Variants in SNTG1 observed in about 807,000 individuals in gnomAD.
SNTG1 encodes the protein gamma-1-syntrophin.
In SNTG1, 39 loss-of-function variants were observed where a neutral mutation model predicts 74.7. The observed-to-expected ratio is 0.52, with a 90% CI of 0.40 to 0.68. The LOEUF (loss-of-function observed/expected upper bound fraction) is 0.68. Among genes scored for constraint, SNTG1 ranks in the 30% least tolerant of loss-of-function variants. The pLI, the probability that SNTG1 is intolerant of heterozygous loss-of-function variation, is 0.00. For synonymous variants in SNTG1, 254 were observed against 217.1 expected, an observed-to-expected ratio of 1.17 and a Z score of -1.49; for missense variants, 685 against 609.5, an observed-to-expected ratio of 1.12 and a Z score of -1.30.
intron 17 of SNTG1, among the ~76,000 whole-genome samples, chr8:50,731,550 CA>C (rs1381795316): frequency 6.6e-6 from 1 of 152,046 alleles, no homozygotes; most frequent in Non-Finnish European, 1.5e-5. Context: ...CTAACCAAAT[CA>C]AAGTGAATTA....
chr8:50,163,386 A>G (rs964465379), intron 1 of SNTG1: 8 of 151,888 alleles, frequency 5.3e-5, no homozygotes, highest in African/African-American at 1.9e-4. Flanking sequence ...AATTTTTCCA[A>G]AATTTATGTC....
At chr8:50,449,500 A>G (rs1219601488) in intron 5 of SNTG1, among the ~76,000 whole-genome samples, 168 bp from the exon 6 acceptor site, 1 of 152,258 alleles carries the variant, frequency 6.6e-6, no homozygotes, top group Non-Finnish European at 1.5e-5. Context: ...CTAAACAGGT[A>G]GATAATTTTC....
chr8:50,599,038 T>C (rs939400644), intron 13 of SNTG1, among the ~76,000 whole-genome samples: 1 of 152,070 alleles, frequency 6.6e-6, no homozygotes, highest in Non-Finnish European at 1.5e-5. Flanking sequence ...AATATAGGCA[T>C]GCAATGCATA....
Position 50,658,614 on chromosome 8 carries a change from G to C in SNTG1, c.989G>C (p.Arg330Thr), listed in dbSNP as rs1213646549. The change falls in exon 15 of 19, where the codon AGA becomes ACA. Residue 330 changes from arginine (R) to threonine (T), a missense_variant. Transcript: ENST00000642720. ...AAGGTGACCACCTGGGACTGGACGA[G>C]AGCAGAGAAAACATTCTCAGTTTAT... Reference protein sequence around the residue: ...APPVTTWDWTRAEKTFSVYEI... With the variant: ...APPVTTWDWTTAEKTFSVYEI... 6.2e-7 allele frequency: 1 copy of C among 1,609,996 alleles called. No individual in the cohort carries two copies. Among genetic ancestry groups the C allele is most frequent in the African/African-American group, 1.3e-5 (1 of 74,920 alleles).
At chr8:50,667,892 A>G (rs1185789073) in intron 15 of SNTG1, among the ~76,000 whole-genome samples, 2 of 152,036 alleles carry the variant, frequency 1.3e-5, no homozygotes, top group Non-Finnish European at 2.9e-5. Context: ...CTAAGCTACA[A>G]GCTTCTGAAA....
At chr8:50,170,582 A>C (rs970852754) in intron 1 of SNTG1, among the ~76,000 whole-genome samples, 12 of 152,190 alleles carry the variant, frequency 7.9e-5, no homozygotes, top group African/African-American at 2.9e-4. Context: ...GCATAAAAAC[A>C]TGTAGCAAAC....
chr8:50,215,766 A>G (rs1485341925), intron 2 of SNTG1, among the ~76,000 whole-genome samples: 1 of 152,094 alleles, frequency 6.6e-6, no homozygotes, highest in African/African-American at 2.4e-5. Flanking sequence ...CAAACTTTCT[A>G]GAAAGTTTTC....
chr8:50,115,581 A>AC (rs2080789412), intron 1 of SNTG1, among the ~76,000 whole-genome samples: 3 of 147,720 alleles, frequency 2.0e-5, no homozygotes, highest in Non-Finnish European at 3.0e-5. Context: ...AAAAAAAAAA[A>AC]AAAAAACGAG....
chr8:50,561,323 TC>T (rs1246486686), intron 12 of SNTG1, among the ~76,000 whole-genome samples: 1 of 152,122 alleles, frequency 6.6e-6, no homozygotes, highest in Non-Finnish European at 1.5e-5. Flanking sequence ...TAAACCTCTT[TC>T]CTTCATAAAT....
At chr8:50,787,323 T>A (rs1043595710) in intron 18 of SNTG1, among the ~76,000 whole-genome samples, 31 of 151,844 alleles carry the variant, frequency 2.0e-4, no homozygotes, top group East Asian at 5.8e-4. Context: ...AATATTTTTT[T>A]AAAAAAAGAA....
chr8:50,014,216 C>T (rs751808761), intron 1 of SNTG1, among the ~76,000 whole-genome samples: 8 of 152,060 alleles, frequency 5.3e-5, no homozygotes, highest in Non-Finnish European at 1.0e-4. Context: ...AAATACTATC[C>T]CCAGAGCACA....
At chr8:50,398,672 A>T (rs1025451987) in intron 3 of SNTG1, among the ~76,000 whole-genome samples, 6 of 152,178 alleles carry the variant, frequency 3.9e-5, no homozygotes, top group Admixed American at 3.9e-4. Context: ...CACGCCTGTA[A>T]TCCCAGCACT....
At chr8:50,434,356 G>A (rs1216995806) in intron 4 of SNTG1, among the ~76,000 whole-genome samples, 2 of 152,168 alleles carry the variant, frequency 1.3e-5, no homozygotes, top group Admixed American at 6.5e-5. Flanking sequence ...ATATACGTGT[G>A]CATGTGTCTT....
chr8:50,471,942 AT>A (rs2131750019), intron 8 of SNTG1, among the ~76,000 whole-genome samples: 1 of 152,312 alleles, frequency 6.6e-6, no homozygotes, highest in East Asian at 1.9e-4. Flanking sequence ...ATTAAAGGAA[AT>A]TTTATTTAAA....
At chr8:50,260,863 T>C (rs970370293) in intron 2 of SNTG1, among the ~76,000 whole-genome samples, 2 of 152,032 alleles carry the variant, frequency 1.3e-5, no homozygotes, top group Non-Finnish European at 2.9e-5. Flanking sequence ...AAGGAGATCA[T>C]GGAACATGAA....
At chr8:50,043,675 T>C (rs904873796) in intron 1 of SNTG1, among the ~76,000 whole-genome samples, 1 of 152,186 alleles carries the variant, frequency 6.6e-6, no homozygotes, top group Admixed American at 6.5e-5. Flanking sequence ...AGAGAGTGGG[T>C]GGCTCCAGCT....
intron 2 of SNTG1, among the ~76,000 whole-genome samples, chr8:50,348,531 G>A (rs2091552549): frequency 6.6e-6 from 1 of 152,076 alleles, no homozygotes; most frequent in African/African-American, 2.4e-5. Context: ...GCTTTAATTT[G>A]GTCACCGCAA....
chr8:50,231,188 C>T (rs1168620033), intron 2 of SNTG1, among the ~76,000 whole-genome samples: 1 of 151,052 alleles, frequency 6.6e-6, no homozygotes, highest in Non-Finnish European at 1.5e-5. Context: ...TGAGATATGG[C>T]CTTATTTGTA....
intron 1 of SNTG1, among the ~76,000 whole-genome samples, chr8:49,951,850 CA>C (rs1285064334): frequency 1.5e-5 from 1 of 66,686 alleles, no homozygotes; most frequent in Non-Finnish European, 2.9e-5. Flanking sequence ...AAATCGACAA[CA>C]GAAGGAAATC....
Sources: allele counts gnomAD v4.1 joint callset (sites outside exome capture counted in the v4.1 genomes callset), GRCh38; gene constraint gnomAD v4.1.1; transcripts MANE v1.5; gene names NCBI Gene and HGNC (gene_info 2026-07-23, HGNC 2026-07-21).